Variants in SCAI observed in about 807,000 individuals in gnomAD.
SCAI encodes the protein protein SCAI.
Under a neutral mutation model 92.2 loss-of-function variants are expected in SCAI, and 24 were observed. That is an observed-to-expected ratio of 0.26 (90% confidence interval 0.19 to 0.37). SCAI has a LOEUF of 0.37. Among genes scored for constraint, SCAI ranks in the 10% least tolerant of loss-of-function variants. SCAI has a pLI of 1.00. For missense variants in SCAI, 450 were observed against 736.2 expected, an observed-to-expected ratio of 0.61 and a Z score of 4.50; for synonymous variants, 261 against 258.6, an observed-to-expected ratio of 1.01 and a Z score of -0.09.
chr9:125,076,286 G>A (rs1834088711), intron 2 of SCAI, among the ~76,000 whole-genome samples: 1 of 145,740 alleles, frequency 6.9e-6, no homozygotes, highest in Non-Finnish European at 1.5e-5. Flanking sequence ...CTCACTTGAG[G>A]TCAGGAGTTC....
At chr9:125,000,595 C>T (rs948493440) in intron 12 of SCAI, among the ~76,000 whole-genome samples, 14 of 109,484 alleles carry the variant, frequency 1.3e-4, no homozygotes, top group African/African-American at 5.0e-4. Flanking sequence ...GAGTGAGACC[C>T]TGTCTCAGAA....
chr9:125,143,344 C>CT, intron 1 of SCAI, 41 bp downstream of exon 1: 1 of 1,240,996 alleles, frequency 8.1e-7, no homozygotes, highest in South Asian at 2.1e-5. Context: ...TCCCTGGCCC[C>CT]CACCCCATCC....
intron 2 of SCAI, among the ~76,000 whole-genome samples, chr9:125,139,142 G>C (rs981468889): frequency 6.6e-6 from 1 of 152,210 alleles, no homozygotes; most frequent in African/African-American, 2.4e-5. Flanking sequence ...ACCAGGTACT[G>C]TGGCTGACGC....
chr9:125,118,143 A>G (rs899942754), intron 2 of SCAI, among the ~76,000 whole-genome samples: 6 of 152,164 alleles, frequency 3.9e-5, no homozygotes, highest in African/African-American at 1.2e-4. Flanking sequence ...AGTGAACTAA[A>G]CACTTAAAAT....
At position 125,003,041 on chromosome 9, in the gene SCAI, CAA is replaced by C. The variant is rs2131039312; in HGVS notation, c.1065+71_1065+72del. The C allele has an allele frequency of 8.6e-6, 8 of 933,814 alleles. No homozygotes were observed. In the South Asian group the frequency reaches 1.2e-4, roughly 14 times the overall value. The allele number at this position is 933,814 out of a possible 1,614,324, so 57.8% of individuals were successfully genotyped here. A position where few individuals can be genotyped will look rare whatever the true frequency, so the allele number is the denominator to read the frequency against. On this transcript the variant is annotated intron_variant, in intron 11 of 17. Transcript: ENST00000336505. ...TTACCTAAACTCTTAAGTATTTTTT[CAA>C]AAGAGTGACTCTTAGATTTTAGTTA...
At chr9:125,054,170 T>C (rs1328492989) in intron 3 of SCAI, among the ~76,000 whole-genome samples, 1 of 152,152 alleles carries the variant, frequency 6.6e-6, no homozygotes, top group Non-Finnish European at 1.5e-5. Flanking sequence ...AGACGAGGTT[T>C]CACCATGTTG....
chr9:125,078,260 C>T (rs957324515), intron 2 of SCAI, among the ~76,000 whole-genome samples: 1 of 152,124 alleles, frequency 6.6e-6, no homozygotes, highest in African/African-American at 2.4e-5. Flanking sequence ...GGCGTGTTGG[C>T]TCACATCTGT....
At chr9:125,135,300 A>G (rs1835497862) in intron 2 of SCAI, among the ~76,000 whole-genome samples, 1 of 152,252 alleles carries the variant, frequency 6.6e-6, no homozygotes, top group Non-Finnish European at 1.5e-5. Flanking sequence ...AAGATAACTC[A>G]GCCACTAACT....
intron 2 of SCAI, among the ~76,000 whole-genome samples, chr9:125,093,639 C>T (rs1376355530): frequency 2.7e-5 from 4 of 150,538 alleles, no homozygotes; most frequent in African/African-American, 7.3e-5. Context: ...GATCTTGGCT[C>T]ACTGCAGCCT....
rs1043746743 is a variant in SCAI, at chr9:124,946,519, C to G, written c.*6288G>C. ...TTATATTTTATCATGCAAAAATAAC[C>G]TCTACTTAATTTCTGCAGTGAATGT... On this transcript the variant is annotated 3_prime_UTR_variant, in exon 18 of 18. Transcript: ENST00000336505. This position sits in a 1 kb window ranked among gnomAD's most constrained non-coding sequence, Gnocchi z 4.0. The G allele has an allele frequency of 1.3e-5, 2 of 152,102 alleles. No individual in the cohort carries two copies. The highest frequency in any genetic ancestry group is 2.9e-5 in the Non-Finnish European group (2 of 68,012). 9.4% of individuals were successfully genotyped at this position (152,102 alleles called of 1,614,324 possible). A position where few individuals can be genotyped will look rare whatever the true frequency, so the allele number is the denominator to read the frequency against.
chr9:125,106,122 A>T (rs7029025), intron 2 of SCAI, among the ~76,000 whole-genome samples: 400 of 8,640 alleles, frequency 0.046, 15 homozygotes, highest in Non-Finnish European at 0.093. Flanking sequence ...AAAAAAAAAA[A>T]ATATATATAT....
chr9:125,073,165 C>T (rs1378831992), intron 2 of SCAI, among the ~76,000 whole-genome samples: 3 of 118,724 alleles, frequency 2.5e-5, no homozygotes, highest in East Asian at 2.7e-4. Flanking sequence ...AGTGCAGTGG[C>T]GCGATCTCGG....
At chr9:125,028,990 G>C (rs946819412) in intron 4 of SCAI, among the ~76,000 whole-genome samples, 1 of 152,064 alleles carries the variant, frequency 6.6e-6, no homozygotes, top group African/African-American at 2.4e-5. Flanking sequence ...TAGAGACAGG[G>C]TTTCACCATG....
chr9:124,990,366 A>T (rs1296453788), intron 14 of SCAI, among the ~76,000 whole-genome samples: 1 of 151,928 alleles, frequency 6.6e-6, no homozygotes, highest in Non-Finnish European at 1.5e-5. Context: ...GCACGTGCTT[A>T]TAATCCCAGC....
intron 3 of SCAI, among the ~76,000 whole-genome samples, chr9:125,050,312 C>A (rs1833535867): frequency 1.3e-5 from 2 of 152,024 alleles, no homozygotes; most frequent in African/African-American, 2.4e-5. Flanking sequence ...CCAAAAAAAC[C>A]TTATAATTAT....
At chr9:125,019,474 T>C (rs1832826266) in intron 7 of SCAI, among the ~76,000 whole-genome samples, 1 of 151,786 alleles carries the variant, frequency 6.6e-6, no homozygotes, top group African/African-American at 2.4e-5. Context: ...AATGAAAGAA[T>C]CAGAAAAGAG....
rs373743672 is a variant in SCAI at position 124,971,122 on chromosome 9, G to T, written c.1674+248C>A. 6.8e-5 allele frequency: 15 copies of T among 219,984 alleles called. No individual in the cohort carries two copies. In the South Asian group the frequency reaches 2.1e-3, roughly 31 times the overall value. The allele number at this position is 219,984 out of a possible 1,614,324, so 13.6% of individuals were successfully genotyped here. A position where few individuals can be genotyped will look rare whatever the true frequency, so the allele number is the denominator to read the frequency against. On this transcript the variant is annotated intron_variant, in intron 17 of 17. Transcript: ENST00000336505. ...GAGCCACCACGGCCAGCCAGAAAAT[G>T]TTCTACTTTTAAACAAACGATAGGT... is the stretch of plus-strand genomic sequence containing the variant.
intron 14 of SCAI, among the ~76,000 whole-genome samples, chr9:124,992,690 T>C (rs566011305): frequency 6.6e-6 from 1 of 152,258 alleles, no homozygotes; most frequent in African/African-American, 2.4e-5. Context: ...CTGGCCTCCC[T>C]TTTCATTTCT....
intron 9 of SCAI, among the ~76,000 whole-genome samples, chr9:125,011,807 A>C (rs1190946555): frequency 6.6e-6 from 1 of 152,248 alleles, no homozygotes; most frequent in African/African-American, 2.4e-5. Flanking sequence ...CACAAAGGGA[A>C]GCCCATCAGA....
Sources: gnomAD v4.1 joint callset for allele counts (sites outside exome capture counted in the v4.1 genomes callset) on GRCh38, gnomAD v4.1.1 for gene constraint, Gnocchi (gnomAD v3.1) non-coding constraint, MANE v1.5 for transcripts, NCBI Gene and HGNC (gene_info 2026-07-23, HGNC 2026-07-21) for gene names.